The following DMD variants were observed in gnomAD, a reference collection of about 807,000 sequenced individuals.
DMD encodes mutant dystrophin.
In DMD, 63 loss-of-function variants were observed where a neutral mutation model predicts 330.1. That is an observed-to-expected ratio of 0.19 (90% CI 0.16 to 0.24). The LOEUF is 0.24. Among genes scored for constraint, DMD ranks in the 10% least tolerant of loss-of-function variants. The pLI, the probability that DMD is intolerant of heterozygous loss-of-function variation, is 1.00. For synonymous variants in DMD, 1,223 were observed against 959.8 expected (o/e 1.27, Z -5.07); for missense variants, 3,344 against 2,684.1 (o/e 1.25, Z -5.43).
intron 61 of DMD, among the ~76,000 whole-genome samples, chrX:31,344,159 C>T (rs1042928351): frequency 2.7e-5 from 3 of 109,932 alleles, no homozygotes; most frequent in African/African-American, 1.0e-4. Flanking sequence ...AGCTCAAATA[C>T]GGTTTGGATG....
intron 30 of DMD, among the ~76,000 whole-genome samples, chrX:32,394,916 C>CAAAAAAAAAAAAAAAAAA (rs72234458): frequency 2.6e-5 from 1 of 39,027 alleles, no homozygotes; most frequent in Non-Finnish European, 5.0e-5. Flanking sequence ...AACAAAAAAA[C>CAAAAAAAAAAAAAAAAAA]AAAAAAAAAA....
chrX:31,449,924 T>C (rs2065601509), intron 59 of DMD, among the ~76,000 whole-genome samples: 3 of 107,357 alleles, frequency 2.8e-5, no homozygotes, highest in African/African-American at 1.0e-4. Flanking sequence ...TGCTAACTCA[T>C]AGACGTCCTA....
At chrX:32,614,766 C>A (rs1001713086) in intron 11 of DMD, among the ~76,000 whole-genome samples, 1 of 111,264 alleles carries the variant, frequency 9.0e-6, no homozygotes, top group Non-Finnish European at 1.9e-5. Flanking sequence ...CGTTTACATT[C>A]TCATTATTTA....
intron 60 of DMD, among the ~76,000 whole-genome samples, chrX:31,441,439 C>T (rs1027845766): frequency 1.2e-4 from 13 of 111,973 alleles, no homozygotes; most frequent in Non-Finnish European, 2.1e-4. Context: ...TCAAGTGATC[C>T]GCCTGCCTCG....
In DMD at chrX:32,183,035, GA is replaced by G. The variant is rs774131779; in HGVS notation, c.6438+33880del. On this transcript the variant is annotated intron_variant, in intron 44 of 78. Coordinates refer to ENST00000357033, the MANE Select transcript of DMD (RefSeq NM_004006.3). ...TCCTGGAAAAGAGGATCATTTTGCA[GA>G]AAAAAAACATAGGCTAGAGTTTCTG... Among the ~76,000 whole-genome samples the G allele has an allele frequency of 3.4e-3, 375 of 110,903 alleles. 2 individuals are homozygous for G. The highest frequency in any genetic ancestry group is 0.011 in the African/African-American group (331 of 30,603).
At chrX:32,542,003 G>A (rs1372666971) in intron 17 of DMD, among the ~76,000 whole-genome samples, 1 of 111,696 alleles carries the variant, frequency 9.0e-6, no homozygotes, top group Non-Finnish European at 1.9e-5. Flanking sequence ...GGCAGTTGCT[G>A]GATGCACAAG....
At chrX:31,639,170 T>C (rs763742137) in intron 54 of DMD, among the ~76,000 whole-genome samples, 43 of 111,623 alleles carry the variant, frequency 3.9e-4, no homozygotes, top group African/African-American at 1.2e-3. Flanking sequence ...AACCAAATTA[T>C]ACAGACCACA....
intron 45 of DMD, among the ~76,000 whole-genome samples, chrX:31,955,356 C>T (rs2095235292): frequency 8.9e-6 from 1 of 112,020 alleles, no homozygotes; most frequent in Non-Finnish European, 1.9e-5. Flanking sequence ...CTGCTTTGTT[C>T]ACATAGCTAG....
chrX:31,957,581 T>C (rs1228260337), intron 45 of DMD, among the ~76,000 whole-genome samples: 1 of 112,103 alleles, frequency 8.9e-6, no homozygotes, highest in Non-Finnish European at 1.9e-5. Flanking sequence ...ATTGTTAGAT[T>C]GGCAGCTTAC....
At chrX:31,789,753 G>A (rs182528678) in intron 50 of DMD, among the ~76,000 whole-genome samples, 4 of 111,188 alleles carry the variant, frequency 3.6e-5, no homozygotes, top group African/African-American at 9.7e-5. Context: ...AAAAAGATAC[G>A]AAGGGAGAAA....
chrX:33,124,504 A>C (rs1459806644), intron 1 of DMD, among the ~76,000 whole-genome samples: 2 of 105,660 alleles, frequency 1.9e-5, no homozygotes, highest in Non-Finnish European at 3.9e-5. Flanking sequence ...AAAAAAAAAA[A>C]AAAAAACCGA....
chrX:32,382,417 A>T (rs140191711), intron 33 of DMD, among the ~76,000 whole-genome samples: 5,041 of 111,159 alleles, frequency 0.045, 254 homozygotes, highest in African/African-American at 0.15. Context: ...TCTATCTATA[A>T]GCAAGAAAAA....
chrX:32,228,062 T>G (rs1295352050), intron 43 of DMD, among the ~76,000 whole-genome samples: 1 of 111,606 alleles, frequency 9.0e-6, no homozygotes, highest in Non-Finnish European at 1.9e-5. Context: ...TAAGGGGACC[T>G]TAATTAAGCA....
At chrX:33,289,108 T>A (rs1163719447) in intron 1 of DMD, among the ~76,000 whole-genome samples, 1 of 111,650 alleles carries the variant, frequency 9.0e-6, no homozygotes, top group East Asian at 2.8e-4. Context: ...ATAGTTTTTT[T>A]AATTAAAAAA....
intron 78 of DMD, among the ~76,000 whole-genome samples, chrX:31,123,103 A>AGAC (rs1266426264): frequency 1.8e-5 from 2 of 111,953 alleles, no homozygotes; most frequent in Non-Finnish European, 3.8e-5. Context: ...TTAAAGCTAT[A>AGAC]GACTAGGGAG....
intron 55 of DMD, among the ~76,000 whole-genome samples, chrX:31,591,484 T>C (rs946568660): frequency 1.8e-5 from 2 of 111,676 alleles, no homozygotes; most frequent in Non-Finnish European, 3.8e-5. Context: ...TAGTGTAATA[T>C]AGTATAAACT....
intron 5 of DMD, among the ~76,000 whole-genome samples, chrX:32,819,555 G>A (rs914812858): frequency 8.9e-6 from 1 of 111,886 alleles, no homozygotes. Flanking sequence ...CAAAATATGC[G>A]TTACTGTTTT....
Position 32,373,376 on chromosome X carries a change from C to T in DMD, c.4845+7134G>A, listed in dbSNP as rs2097887680. Among the ~76,000 whole-genome samples the T allele has an allele frequency of 3.7e-5, 4 of 108,012 alleles. No homozygotes were observed. In the Admixed American group the frequency reaches 4.0e-4, roughly 11 times the overall value. The allele number at this position is 108,012 out of a possible 115,157, so 93.8% of individuals were successfully genotyped here. ...AGGGTGCTGCTTCTATATTAGCTTTCCTCTAGTTCAGGAGTTTGAATATGT... is the reference window on the plus strand; with the variant it reads ...AGGGTGCTGCTTCTATATTAGCTTTTCTCTAGTTCAGGAGTTTGAATATGT... On this transcript the variant is annotated intron_variant, in intron 34 of 78. Transcript: ENST00000357033.
chrX:31,518,932 A>T (rs756451692), intron 55 of DMD, among the ~76,000 whole-genome samples: 52 of 111,557 alleles, frequency 4.7e-4, no homozygotes, highest in African/African-American at 1.6e-3. Flanking sequence ...AAAGCAAGTG[A>T]CTTCTGACTT....
Sources: gnomAD v4.1 joint callset for allele counts (sites outside exome capture counted in the v4.1 genomes callset) on GRCh38, gnomAD v4.1.1 for gene constraint, MANE v1.5 for transcripts, NCBI Gene and HGNC (gene_info 2026-07-23, HGNC 2026-07-21) for gene names.